The following STK26 variants were observed in gnomAD, a reference collection of about 807,000 sequenced individuals.
STK26 encodes serine/threonine-protein kinase 26.
A neutral mutation model predicts 34.7 loss-of-function variants in STK26; 14 were observed. That is an observed-to-expected ratio of 0.40 (90% CI 0.27 to 0.63). The LOEUF (loss-of-function observed/expected upper bound fraction) is 0.63. Ranked by LOEUF, STK26 falls within the 30% of genes least tolerant of loss-of-function variation. The probability of loss-of-function intolerance (pLI) is 0.38; values close to 1 mark genes in which losing one functional copy is unlikely to be tolerated. For synonymous variants in STK26, 100 were observed against 109.8 expected, an observed-to-expected ratio of 0.91 and a Z score of 0.56; for missense variants, 226 against 309.1, an observed-to-expected ratio of 0.73 and a Z score of 2.02.
intron 2 of STK26, among the ~76,000 whole-genome samples, chrX:132,030,788 G>A (rs368194913): frequency 9.0e-6 from 1 of 110,759 alleles, no homozygotes; most frequent in African/African-American, 3.3e-5. Flanking sequence ...TTCCACCACA[G>A]GTACATGTAA....
chrX:132,037,921 G>T (rs1250090922), intron 2 of STK26, among the ~76,000 whole-genome samples: 2 of 109,015 alleles, frequency 1.8e-5, no homozygotes, highest in African/African-American at 6.7e-5. Flanking sequence ...AATCAATTTC[G>T]AGGTTTTAGC....
At chrX:132,072,228 A>G (rs746467873) in intron 8 of STK26, 40 bp from the exon 9 acceptor site, 1 of 1,071,312 alleles carries the variant, frequency 9.3e-7, no homozygotes, top group South Asian at 1.9e-5. Flanking sequence ...AAGCTGAATC[A>G]TTTGGGCACT....
intron 3 of STK26, among the ~76,000 whole-genome samples, chrX:132,061,972 T>C (rs1478329632): frequency 8.9e-6 from 1 of 112,191 alleles, no homozygotes; most frequent in Non-Finnish European, 1.9e-5. Flanking sequence ...CTGAATATAT[T>C]TTCCTACTTG....
chrX:132,050,651 A>C (rs1006417656), intron 2 of STK26, among the ~76,000 whole-genome samples: 8 of 112,128 alleles, frequency 7.1e-5, no homozygotes, highest in Non-Finnish European at 1.5e-4. Context: ...CACCAGTGCT[A>C]ATTTTAGAGA....
Position 132,071,023 on chromosome X carries a change from A to G in STK26, c.784-46A>G, listed in dbSNP as rs769804013. ...TTTTTTACCATTCCTTGTAATCATA[A>G]GAGTTCAACAATTGTCATATGCAGC... On this transcript the variant is annotated intron_variant, in intron 7 of 11. Transcript: ENST00000394334. 5.2e-6 allele frequency: 6 copies of G among 1,147,220 alleles called. No individual in the cohort carries two copies. The Admixed American group carries it at 1.1e-4, about 20-fold the overall frequency. The allele number at this position is 1,147,220 out of a possible 1,213,427, so 94.5% of individuals were successfully genotyped here.
At chrX:132,031,311 A>ACATTTAT (rs1426253106) in intron 2 of STK26, among the ~76,000 whole-genome samples, 5 of 111,873 alleles carry the variant, frequency 4.5e-5, no homozygotes, top group Non-Finnish European at 7.5e-5. Context: ...ATCACCTCAA[A>ACATTTAT]CATTTATCAT....
In STK26 at chrX:132,036,648, G is replaced by A. The variant is rs1044472364; in HGVS notation, c.42+12989G>A. ...TTAATTATCACTAGAATCCCTAAGC[G>A]ACTTGCTTCCTCTTCAGGGAGTTAA... On this transcript the variant is annotated intron_variant, in intron 2 of 11. Coordinates refer to ENST00000394334, the MANE Select transcript of STK26 (RefSeq NM_016542.4). Among the ~76,000 whole-genome samples, 3 of 111,506 alleles carry A rather than the reference G, an allele frequency of 2.7e-5. No homozygotes were observed. The Admixed American group carries it at 2.9e-4, about 11-fold the overall frequency.
intron 3 of STK26, among the ~76,000 whole-genome samples, chrX:132,058,254 A>G (rs781671181): frequency 4.9e-5 from 5 of 103,066 alleles, no homozygotes; most frequent in African/African-American, 1.1e-4. Flanking sequence ...GTGTGTGTGT[A>G]TGTGTGTGTG....
chrX:132,028,393 T>G (rs1160156049), intron 2 of STK26, among the ~76,000 whole-genome samples: 1 of 111,812 alleles, frequency 8.9e-6, no homozygotes, highest in African/African-American at 3.3e-5. Flanking sequence ...AAGAGCCAGA[T>G]CTGGTAGGAA....
At position 132,044,734 on chromosome X, in the gene STK26, T is replaced by G. The variant is rs188208610; in HGVS notation, c.43-9897T>G. On this transcript the variant is annotated intron_variant, in intron 2 of 11. Transcript: ENST00000394334. The stretch of plus-strand genomic sequence containing the variant: ...ATCTATATATATATTTATATATATA[T>G]AGAGAGATCTATATATATATTTATA... 5.6e-3 allele frequency among the ~76,000 whole-genome samples: 223 copies of G among 40,057 alleles called. 10 individuals are homozygous for G. Among genetic ancestry groups the G allele is most frequent in the African/African-American group, 0.012 (89 of 7,627 alleles). 34.8% of individuals were successfully genotyped at this position (40,057 alleles called of 115,157 possible). A position where few individuals can be genotyped will look rare whatever the true frequency, so the allele number is the denominator to read the frequency against.
intron 2 of STK26, among the ~76,000 whole-genome samples, chrX:132,042,314 A>G (rs1474997695): frequency 9.0e-6 from 1 of 111,275 alleles, no homozygotes; most frequent in Non-Finnish European, 1.9e-5. Context: ...TTTCCCCAAA[A>G]TGAGTGGTAT....
intron 2 of STK26, among the ~76,000 whole-genome samples, chrX:132,042,241 G>A (rs1926292933): frequency 9.0e-6 from 1 of 111,187 alleles, no homozygotes; most frequent in African/African-American, 3.3e-5. Context: ...ACAACAAAAA[G>A]TAGAAGAGTC....
At chrX:132,023,823 G>A (rs12851056) in intron 2 of STK26, among the ~76,000 whole-genome samples, 164 bp downstream of exon 2, 6,235 of 112,366 alleles carry the variant, frequency 0.055, 194 homozygotes, top group Non-Finnish European at 0.086. Context: ...GGTGTTTCCT[G>A]GTGTGTAGGC....
chrX:132,064,577 G>A (rs913164751), intron 4 of STK26, among the ~76,000 whole-genome samples: 2 of 111,589 alleles, frequency 1.8e-5, no homozygotes, highest in Non-Finnish European at 3.8e-5. Flanking sequence ...GCAACTTAGT[G>A]TAGTAGAATG....
At chrX:132,031,089 A>C (rs1227664731) in intron 2 of STK26, among the ~76,000 whole-genome samples, 5 of 110,558 alleles carry the variant, frequency 4.5e-5, no homozygotes, top group Non-Finnish European at 9.5e-5. Context: ...GGTTGTCGCC[A>C]CCATGCCTGG....
intron 2 of STK26, among the ~76,000 whole-genome samples, chrX:132,051,066 T>C (rs890098912): frequency 8.9e-6 from 1 of 111,839 alleles, no homozygotes; most frequent in Non-Finnish European, 1.9e-5. Context: ...GGAGAGCACC[T>C]AGAGAACTTG....
At chrX:132,065,465 A>G (rs148795553) in intron 4 of STK26, among the ~76,000 whole-genome samples, 254 of 111,950 alleles carry the variant, frequency 2.3e-3, no homozygotes, top group African/African-American at 7.8e-3. Flanking sequence ...GATCACTGAT[A>G]GCAATGTTAA....
intron 2 of STK26, among the ~76,000 whole-genome samples, chrX:132,034,337 C>T (rs1473971905): frequency 2.7e-4 from 20 of 73,086 alleles, no homozygotes; most frequent in Non-Finnish European, 4.8e-4. Flanking sequence ...GACGGAGTCT[C>T]GCTCTGTCGC....
At chrX:132,063,075 T>C (rs1186120432) in intron 3 of STK26, among the ~76,000 whole-genome samples, 1 of 111,816 alleles carries the variant, frequency 8.9e-6, no homozygotes, top group Non-Finnish European at 1.9e-5. Flanking sequence ...ATTTACTCTC[T>C]GTGTTACAAA....
Sources: gnomAD v4.1 joint callset for allele counts (sites outside exome capture counted in the v4.1 genomes callset) on GRCh38, gnomAD v4.1.1 for gene constraint, MANE v1.5 for transcripts, NCBI Gene and HGNC (gene_info 2026-07-23, HGNC 2026-07-21) for gene names.